UNC5D: variants seen among roughly 807,000 people sequenced by gnomAD.
The protein encoded by UNC5D is unc-5 netrin receptor D.
Under a neutral mutation model 105.4 loss-of-function variants are expected in UNC5D, and 39 were observed. The observed-to-expected ratio is 0.37, with a 90% CI of 0.29 to 0.48. The LOEUF (loss-of-function observed/expected upper bound fraction) is 0.48. UNC5D is among the 20% of genes least tolerant of loss of function. The pLI, the probability that UNC5D is intolerant of heterozygous loss-of-function variation, is 0.98. For missense variants in UNC5D, 991 were observed against 1,202.4 expected, an observed-to-expected ratio of 0.82 and a Z score of 2.60; for synonymous variants, 452 against 450.4, an observed-to-expected ratio of 1.00 and a Z score of -0.04.
intron 1 of UNC5D, chr8:35,544,382 A>C (rs772609358): frequency 6.2e-7 from 1 of 1,600,770 alleles, no homozygotes; most frequent in Admixed American, 1.7e-5. Context: ...CAGAAAATCT[A>C]TCAGTAGCGT....
chr8:35,564,466 C>T (rs1398169997), intron 2 of UNC5D, among the ~76,000 whole-genome samples: 9 of 152,154 alleles, frequency 5.9e-5, no homozygotes, highest in African/African-American at 1.9e-4. Context: ...TTTAAAGGAG[C>T]TCATCGACCG....
chr8:35,396,654 C>T (rs1224865784), intron 1 of UNC5D, among the ~76,000 whole-genome samples: 2 of 152,064 alleles, frequency 1.3e-5, no homozygotes, highest in African/African-American at 2.4e-5. Flanking sequence ...TGCGCCATCA[C>T]GCCCACCTAA....
chr8:35,755,056 C>G (rs1459973457), intron 13 of UNC5D, among the ~76,000 whole-genome samples: 1 of 152,070 alleles, frequency 6.6e-6, no homozygotes, highest in Non-Finnish European at 1.5e-5. Flanking sequence ...GTATGTTTGA[C>G]ATCACCTCCT....
intron 1 of UNC5D, among the ~76,000 whole-genome samples, chr8:35,329,644 G>C (rs1007941235): frequency 6.6e-5 from 10 of 151,834 alleles, no homozygotes; most frequent in East Asian, 1.9e-4. Flanking sequence ...GTATGCTATA[G>C]AGCTAAACCA....
chr8:35,518,553 T>C (rs1269695084), intron 1 of UNC5D, among the ~76,000 whole-genome samples: 1 of 152,164 alleles, frequency 6.6e-6, no homozygotes, highest in Non-Finnish European at 1.5e-5. Flanking sequence ...TCTGCAAATA[T>C]GTCATCTTTG....
rs77411684 is a variant in UNC5D, at chr8:35,387,904, A to C, written c.103+152017A>C. 9.4e-3 allele frequency among the ~76,000 whole-genome samples: 1,431 copies of C among 152,316 alleles called. 26 individuals carry two copies. The highest frequency in any genetic ancestry group is 0.034 in the African/African-American group (1,400 of 41,564). On this transcript the variant is annotated intron_variant, in intron 1 of 16. Transcript: ENST00000404895. ...TTATAGTGGTGTGTAAATGAATACT[A>C]TCTGCTTCTTTTCTGAAAGGGAAAA...
intron 1 of UNC5D, among the ~76,000 whole-genome samples, chr8:35,367,531 A>T (rs538846597): frequency 1.3e-5 from 2 of 151,982 alleles, no homozygotes; most frequent in Non-Finnish European, 2.9e-5. Flanking sequence ...GAGGAGGAAG[A>T]GCATTTGTAA....
In UNC5D at chr8:35,726,152, G is replaced by A. The variant is rs1340079591; in HGVS notation, c.1304G>A (p.Gly435Asp). 2 of 1,604,324 alleles carry A rather than the reference G, an allele frequency of 1.2e-6. No homozygotes were observed. The highest frequency in any genetic ancestry group is 1.1e-5 in the South Asian group (1 of 90,824). ...TGACAGATCAATTTTCTTTTACCAGGTAACTCCCTGCTCCTGAATTCTGCC... is the reference window on the plus strand; with the variant it reads ...TGACAGATCAATTTTCTTTTACCAGATAACTCCCTGCTCCTGAATTCTGCC... ...QTFNFKTVRQ[G>D]NSLLLNSAMQ... Residue 435 changes from glycine to aspartate, a missense_variant and splice_region_variant, in exon 10 of 17, where the codon GGT becomes GAT. Gly to Asp is a moderately conservative substitution (Grantham distance 94, BLOSUM62 -1). Coordinates refer to ENST00000404895, the MANE Select transcript of UNC5D (RefSeq NM_080872.4).
intron 4 of UNC5D, among the ~76,000 whole-genome samples, chr8:35,623,560 C>T (rs1461152085): frequency 3.3e-5 from 5 of 152,120 alleles, no homozygotes; most frequent in African/African-American, 9.7e-5. Context: ...CCCTCGGGGC[C>T]GCGAGTGGCT....
chr8:35,579,018 G>A (rs946343696), intron 3 of UNC5D, among the ~76,000 whole-genome samples: 8 of 152,152 alleles, frequency 5.3e-5, no homozygotes, highest in Non-Finnish European at 2.9e-5. Context: ...CACCTTAAAA[G>A]TTCCTGGAAG....
chr8:35,525,319 C>G, intron 1 of UNC5D: 2 of 1,612,166 alleles, frequency 1.2e-6, no homozygotes, highest in East Asian at 4.5e-5. Context: ...TTACAGTTTT[C>G]CACTTGATAT....
intron 1 of UNC5D, among the ~76,000 whole-genome samples, chr8:35,253,484 T>TC (rs1803854346): frequency 6.9e-6 from 1 of 145,120 alleles, no homozygotes; most frequent in African/African-American, 2.5e-5. Flanking sequence ...TTTTTTTTTT[T>TC]TTTTTTTTTT....
rs1440623179 is a variant in UNC5D, at chr8:35,260,124, G to T, written c.103+24237G>T. On this transcript the variant is annotated intron_variant, in intron 1 of 16. Transcript: ENST00000404895. The stretch of plus-strand genomic sequence containing the variant: ...AGGAACTTGCCAGTGTTATTCCTGA[G>T]TGAATTTTGCCTTCAGAGTGACAGG... Among the ~76,000 whole-genome samples the T allele has an allele frequency of 3.3e-5, 5 of 152,266 alleles. No homozygotes were observed. In the East Asian group the frequency reaches 9.7e-4, roughly 29 times the overall value.
At chr8:35,699,768 T>C (rs966868) in intron 7 of UNC5D, among the ~76,000 whole-genome samples, 11,705 of 152,174 alleles carry the variant, frequency 0.077, 950 homozygotes, top group African/African-American at 0.2. Flanking sequence ...TGAACTAACC[T>C]AGTACTAAGT....
intron 4 of UNC5D, among the ~76,000 whole-genome samples, chr8:35,671,467 A>G (rs1252327124): frequency 6.6e-6 from 1 of 152,210 alleles, no homozygotes; most frequent in African/African-American, 2.4e-5. Flanking sequence ...ATAAAATAGC[A>G]GTTGATTTCT....
chr8:35,630,877 C>T (rs1821996872), intron 4 of UNC5D, among the ~76,000 whole-genome samples: 1 of 152,132 alleles, frequency 6.6e-6, no homozygotes, highest in Admixed American at 6.5e-5. Flanking sequence ...ATTTTGGGGC[C>T]CCAAGGATTC....
intron 1 of UNC5D, among the ~76,000 whole-genome samples, chr8:35,292,054 A>G (rs1807108310): frequency 6.6e-6 from 1 of 152,242 alleles, no homozygotes. Context: ...CTAAATAAAG[A>G]GATTCACTAA....
intron 4 of UNC5D, among the ~76,000 whole-genome samples, chr8:35,680,781 G>A (rs1157510979): frequency 2.0e-5 from 3 of 152,114 alleles, no homozygotes; most frequent in Non-Finnish European, 4.4e-5. Context: ...TATCTACTTG[G>A]TGTGAATAAT....
intron 2 of UNC5D, among the ~76,000 whole-genome samples, chr8:35,557,374 G>A (rs1250745084): frequency 6.6e-6 from 1 of 152,150 alleles, no homozygotes; most frequent in African/African-American, 2.4e-5. Flanking sequence ...TATTCATTAG[G>A]CATGGCGCAC....
Sources: allele counts gnomAD v4.1 joint callset (sites outside exome capture counted in the v4.1 genomes callset), GRCh38; gene constraint gnomAD v4.1.1; transcripts MANE v1.5; gene names NCBI Gene and HGNC (gene_info 2026-07-23, HGNC 2026-07-21).